Variants in RHD observed in about 807,000 individuals in gnomAD.
RHD encodes Rh blood group D antigen, also known as blood group Rh(D) polypeptide.
In RHD, 16 loss-of-function variants were observed where a neutral mutation model predicts 45.5. The observed-to-expected ratio is 0.35, with a 90% confidence interval of 0.24 to 0.53. The LOEUF (loss-of-function observed/expected upper bound fraction) is 0.53. Ranked by LOEUF, RHD falls within the 20% of genes least tolerant of loss-of-function variation. The pLI is 0.92. For missense variants in RHD, 306 were observed against 532.0 expected (o/e 0.58, Z 4.18); for synonymous variants, 131 against 217.5 (o/e 0.60, Z 3.50).
rs1262137085 is a variant in RHD at position 25,311,474 on chromosome 1, A to C, written c.1073+4745A>C. Among the ~76,000 whole-genome samples the C allele has an allele frequency of 8.4e-5, 11 of 130,212 alleles. 1 individual carries two copies. The highest frequency in any genetic ancestry group is 2.9e-4 in the African/African-American group (11 of 38,250). 85.4% of individuals were successfully genotyped at this position (130,212 alleles called of 152,430 possible). ...CGGGAGGCAGAGCTTGCAGTGAGCC[A>C]AGATCGCGCCACTGCACTCCAGCCT... On this transcript the variant is annotated intron_variant, in intron 7 of 9. Coordinates refer to ENST00000328664, the MANE Select transcript of RHD (RefSeq NM_016124.6).
chr1:25,291,853 A>T lies in RHD; in HGVS notation c.486+1062A>T, dbSNP rs774271449. Among the ~76,000 whole-genome samples the T allele has an allele frequency of 3.8e-5, 5 of 132,800 alleles. 2 individuals are homozygous for T. The highest frequency in any genetic ancestry group is 8.9e-5 in the Non-Finnish European group (5 of 55,964). 87.1% of individuals were successfully genotyped at this position (132,800 alleles called of 152,430 possible). A position where few individuals can be genotyped will look rare whatever the true frequency, so the allele number is the denominator to read the frequency against. ...GCTGTAACCCTGACCCTGAGTGAGGACATAGCCAACCTTCCCATCTCATAG... is the reference window on the plus strand; with the variant it reads ...GCTGTAACCCTGACCCTGAGTGAGGTCATAGCCAACCTTCCCATCTCATAG... On this transcript the variant is annotated intron_variant, in intron 3 of 9. Transcript: ENST00000328664.
At chr1:25,296,108 C>A (rs1205241880) in intron 3 of RHD, among the ~76,000 whole-genome samples, 2 of 115,248 alleles carry the variant, frequency 1.7e-5, no homozygotes, top group African/African-American at 5.8e-5. Flanking sequence ...GGTGATCCAC[C>A]CGCCTTGGCC....
chr1:25,274,557 A>T (rs1571564692), intron 1 of RHD, among the ~76,000 whole-genome samples: 1 of 132,604 alleles, frequency 7.5e-6, no homozygotes, highest in East Asian at 2.0e-4. Flanking sequence ...CAGGGGAGGG[A>T]GGTGACTGCC....
intron 9 of RHD, among the ~76,000 whole-genome samples, chr1:25,322,693 G>A (rs1274192935): frequency 8.3e-6 from 1 of 120,460 alleles, no homozygotes; most frequent in East Asian, 2.0e-4. Flanking sequence ...CAAAACAATT[G>A]TACATATTTA....
chr1:25,296,012 A>T (rs1642926258), intron 3 of RHD, among the ~76,000 whole-genome samples: 1 of 117,324 alleles, frequency 8.5e-6, no homozygotes. Context: ...ACAGGCACAC[A>T]CCACCACGCC....
At chr1:25,302,738 G>A (rs376434501) in intron 5 of RHD, among the ~76,000 whole-genome samples, 3 of 131,226 alleles carry the variant, frequency 2.3e-5, no homozygotes, top group East Asian at 1.9e-4. Context: ...ACAATGATTT[G>A]TGTCTACTGG....
At position 25,323,539 on chromosome 1, in the gene RHD, G is replaced by C. The variant is rs1275379003; in HGVS notation, c.1227+1577G>C. On this transcript the variant is annotated intron_variant, in intron 9 of 9. Transcript: ENST00000328664. ...AGTGGCACCATCATGGCTCACTGTA[G>C]CCTCAACCTCCCCAGGCTCAGGAGA... Among the ~76,000 whole-genome samples the C allele has an allele frequency of 3.1e-5, 4 of 127,132 alleles. 1 individual carries two copies. Among genetic ancestry groups the C allele is most frequent in the Non-Finnish European group, 1.8e-5 (1 of 54,380 alleles). The allele number at this position is 127,132 out of a possible 152,430, so 83.4% of individuals were successfully genotyped here. A position where few individuals can be genotyped will look rare whatever the true frequency, so the allele number is the denominator to read the frequency against.
chr1:25,281,453 T>G lies in RHD; in HGVS notation c.149-3120T>G, dbSNP rs567142479. On this transcript the variant is annotated intron_variant, in intron 1 of 9. Coordinates refer to ENST00000328664, the MANE Select transcript of RHD (RefSeq NM_016124.6). Reference sequence around the variant, plus strand: ...CTATGCATATAGCATTGCTACAAAATGGCAGATGCACTTTAACAATCGTGT... The same window carrying G: ...CTATGCATATAGCATTGCTACAAAAGGGCAGATGCACTTTAACAATCGTGT... Among the ~76,000 whole-genome samples the G allele has an allele frequency of 3.8e-5, 5 of 132,314 alleles. No homozygotes were observed. The East Asian group carries it at 7.8e-4, about 21-fold the overall frequency. The allele number at this position is 132,314 out of a possible 152,430, so 86.8% of individuals were successfully genotyped here. A position where few individuals can be genotyped will look rare whatever the true frequency, so the allele number is the denominator to read the frequency against.
intron 1 of RHD, among the ~76,000 whole-genome samples, chr1:25,275,062 G>A (rs1463732659): frequency 1.5e-5 from 2 of 132,068 alleles, no homozygotes; most frequent in Admixed American, 1.5e-4. Context: ...GACCAAGGCA[G>A]GCAGATCACC....
In RHD at chr1:25,300,858, GA is replaced by G. The variant is rs144079484; in HGVS notation, c.487-86del. 2.6e-3 allele frequency: 3,406 copies of G among 1,294,538 alleles called. 545 individuals are homozygous for G. The African/African-American group carries it at 0.043, about 16-fold the overall frequency. 80.2% of individuals were successfully genotyped at this position (1,294,538 alleles called of 1,614,324 possible). A position where few individuals can be genotyped will look rare whatever the true frequency, so the allele number is the denominator to read the frequency against. On this transcript the variant is annotated intron_variant, in intron 3 of 9. Coordinates refer to ENST00000328664, the MANE Select transcript of RHD (RefSeq NM_016124.6). ...TGGCTTCAAGTCACACCTCCTAAGT[GA>G]AGCTCTGAACTTTCTCCAAGGACTA...
Position 25,280,544 on chromosome 1 carries a change from G to A in RHD, c.149-4029G>A, listed in dbSNP as rs1298635190. Among the ~76,000 whole-genome samples, 25 of 126,578 alleles carry A rather than the reference G, an allele frequency of 2.0e-4. 4 individuals carry two copies. Among genetic ancestry groups the A allele is most frequent in the Admixed American group, 1.8e-3 (23 of 12,938 alleles). 83.0% of individuals were successfully genotyped at this position (126,578 alleles called of 152,430 possible). ...TGGTCTCAAACTCCTGACTTCAAGT[G>A]ATCTGCCCACCTCAGCCTCCCAAAG... On this transcript the variant is annotated intron_variant, in intron 1 of 9. Coordinates refer to ENST00000328664, the MANE Select transcript of RHD (RefSeq NM_016124.6).
At position 25,284,034 on chromosome 1, in the gene RHD, G is replaced by A. The variant is rs1276679251; in HGVS notation, c.149-539G>A. Among the ~76,000 whole-genome samples the A allele has an allele frequency of 4.4e-5, 6 of 135,054 alleles. No homozygotes were observed. The East Asian group carries it at 5.8e-4, about 13-fold the overall frequency. The allele number at this position is 135,054 out of a possible 152,430, so 88.6% of individuals were successfully genotyped here. A position where few individuals can be genotyped will look rare whatever the true frequency, so the allele number is the denominator to read the frequency against. On this transcript the variant is annotated intron_variant, in intron 1 of 9. Transcript: ENST00000328664. ...GCTCACCAGGTCCCTCGCAGCAGGCGGCAAAGGGAGGGAGGTTTGCTGTGA... is the reference window on the plus strand; with the variant it reads ...GCTCACCAGGTCCCTCGCAGCAGGCAGCAAAGGGAGGGAGGTTTGCTGTGA...
In RHD at chr1:25,314,398, C is replaced by T. The variant is rs188527832; in HGVS notation, c.1074-2602C>T. On this transcript the variant is annotated intron_variant, in intron 7 of 9. Transcript: ENST00000328664. ...GAAATGTCTATTCAAGTTAGTTTGCCCATTTTCTATTGTGGTGTTCTGTCT... is the reference window on the plus strand; with the variant it reads ...GAAATGTCTATTCAAGTTAGTTTGCTCATTTTCTATTGTGGTGTTCTGTCT... Among the ~76,000 whole-genome samples the T allele has an allele frequency of 2.3e-5, 3 of 132,484 alleles. 1 individual carries two copies. The allele number at this position is 132,484 out of a possible 152,430, so 86.9% of individuals were successfully genotyped here.
chr1:25,316,786 C>CACAG (rs1203400282), intron 7 of RHD, among the ~76,000 whole-genome samples: 1,046 of 87,716 alleles, frequency 0.012, 68 homozygotes, highest in African/African-American at 0.033. Flanking sequence ...TAAAATAAGC[C>CACAG]ACAATCTTGG....
At chr1:25,306,348 T>C (rs1420563660) in intron 6 of RHD, among the ~76,000 whole-genome samples, 1 of 131,640 alleles carries the variant, frequency 7.6e-6, no homozygotes, top group Non-Finnish European at 1.8e-5. Flanking sequence ...ACCAGCAGCA[T>C]TGGCATCACC....
In RHD at chr1:25,279,224, G is replaced by A. The variant is rs867971460; in HGVS notation, c.149-5349G>A. Among the ~76,000 whole-genome samples the A allele has an allele frequency of 4.8e-4, 61 of 126,608 alleles. 17 individuals are homozygous for A. The highest frequency in any genetic ancestry group is 4.2e-3 in the Middle Eastern group (1 of 238). The allele number at this position is 126,608 out of a possible 152,430, so 83.1% of individuals were successfully genotyped here. ...AAAGTCACACCGCTAATCAGCGGCC[G>A]GCACGGGGTAACAGTTACTAACACT... is the stretch of plus-strand genomic sequence containing the variant. On this transcript the variant is annotated intron_variant, in intron 1 of 9. Coordinates refer to ENST00000328664, the MANE Select transcript of RHD (RefSeq NM_016124.6).
At position 25,292,438 on chromosome 1, in the gene RHD, C is replaced by T. The variant is rs1642590779; in HGVS notation, c.486+1647C>T. Among the ~76,000 whole-genome samples the T allele has an allele frequency of 1.5e-5, 2 of 132,010 alleles. 1 individual carries two copies. The highest frequency in any genetic ancestry group is 3.6e-5 in the Non-Finnish European group (2 of 55,650). 86.6% of individuals were successfully genotyped at this position (132,010 alleles called of 152,430 possible). On this transcript the variant is annotated intron_variant, in intron 3 of 9. Coordinates refer to ENST00000328664, the MANE Select transcript of RHD (RefSeq NM_016124.6). ...TGAGAGTGATGGGAAGTGGTTGGAT[C>T]CTGACTGTATTTTAATAGCAGAATT...
At chr1:25,291,074 T>A (rs1225188490) in intron 3 of RHD, among the ~76,000 whole-genome samples, 3 of 130,496 alleles carry the variant, frequency 2.3e-5, no homozygotes, top group African/African-American at 7.9e-5. Context: ...AAGGATTGTT[T>A]GAGCCCAGGA....
At chr1:25,295,865 T>G (rs946067798) in intron 3 of RHD, among the ~76,000 whole-genome samples, 4,693 of 104,126 alleles carry the variant, frequency 0.045, 1,115 homozygotes, top group Middle Eastern at 0.12. Flanking sequence ...TTTTTTTTTT[T>G]TTTTTTTTTT....
Sources: gnomAD v4.1 joint callset for allele counts (sites outside exome capture counted in the v4.1 genomes callset) on GRCh38, gnomAD v4.1.1 for gene constraint, MANE v1.5 for transcripts, NCBI Gene and HGNC (gene_info 2026-07-23, HGNC 2026-07-21) for gene names.